Variants in ADAM23 observed in about 807,000 individuals in gnomAD.
ADAM23 encodes the protein disintegrin and metalloproteinase domain-containing protein 23.
In ADAM23, 33 loss-of-function variants were observed where a neutral mutation model predicts 120.1. That is an observed-to-expected ratio of 0.27 (90% CI 0.21 to 0.37). The LOEUF is 0.37. Ranked by LOEUF, ADAM23 falls within the 10% of genes least tolerant of loss-of-function variation. The probability of loss-of-function intolerance (pLI) is 1.00; values close to 1 mark genes in which losing one functional copy is unlikely to be tolerated. For missense variants in ADAM23, 862 were observed against 1,058.2 expected (o/e 0.81, Z 2.57); for synonymous variants, 367 against 375.2 (o/e 0.98, Z 0.25).
rs1248243931 is a variant in ADAM23 at position 206,618,700 on chromosome 2, CA to C, written c.*1078del. The C allele has an allele frequency of 6.6e-6, 1 of 151,854 alleles. No homozygotes were observed. Among genetic ancestry groups the C allele is most frequent in the Admixed American group, 6.6e-5 (1 of 15,258 alleles). The allele number at this position is 151,854 out of a possible 1,614,324, so 9.4% of individuals were successfully genotyped here. ...AGTTTAAAGTTGGTGTGCGTTAAACCAAAAATAAAAGGGGGGACATAAACAA... is the reference window on the plus strand; with the variant it reads ...AGTTTAAAGTTGGTGTGCGTTAAACCAAAATAAAAGGGGGGACATAAACAA... On this transcript the variant is annotated 3_prime_UTR_variant, in exon 26 of 26. Transcript: ENST00000264377.
Position 206,593,639 on chromosome 2 carries a change from G to A in ADAM23, c.2078+903G>A, listed in dbSNP as rs192571366. Among the ~76,000 whole-genome samples the A allele has an allele frequency of 2.9e-3, 435 of 151,998 alleles. 4 individuals carry two copies. Among genetic ancestry groups the A allele is most frequent in the Middle Eastern group, 0.014 (4 of 294 alleles). On this transcript the variant is annotated intron_variant, in intron 22 of 25. Transcript: ENST00000264377. ...AGATCCCTCCTGGAATAAATTTGTA[G>A]TCTCTAAAGCTAGTTACTTTGACGT...
chr2:206,594,478 G>A (rs948355562), intron 22 of ADAM23, among the ~76,000 whole-genome samples: 7 of 152,132 alleles, frequency 4.6e-5, no homozygotes, highest in African/African-American at 1.7e-4. Flanking sequence ...AACACGTGAA[G>A]ATTTAGAATA....
At chr2:206,540,481 CT>C (rs1697268431) in intron 4 of ADAM23, among the ~76,000 whole-genome samples, 1 of 152,092 alleles carries the variant, frequency 6.6e-6, no homozygotes, top group South Asian at 2.1e-4. Flanking sequence ...ATATTTATCT[CT>C]GTTTTCTCCC....
intron 24 of ADAM23, chr2:206,605,720 TA>T: frequency 1.4e-6 from 1 of 697,974 alleles, no homozygotes; most frequent in Non-Finnish European, 2.6e-6. Context: ...CTGAATAGAT[TA>T]TTTTGTATGT....
At chr2:206,509,996 A>G (rs1300086855) in intron 3 of ADAM23, among the ~76,000 whole-genome samples, 2 of 152,172 alleles carry the variant, frequency 1.3e-5, no homozygotes, top group Non-Finnish European at 2.9e-5. Context: ...TTATCAACAT[A>G]GTTTTGTAGA....
At chr2:206,570,837 T>TA (rs1697981655) in intron 16 of ADAM23, 26 bp downstream of exon 16, 2 of 1,593,166 alleles carry the variant, frequency 1.3e-6, no homozygotes, top group East Asian at 2.2e-5. Flanking sequence ...CTTCTATACT[T>TA]ACAGCACAGA....
chr2:206,539,364 C>A (rs767476226), intron 4 of ADAM23, among the ~76,000 whole-genome samples: 3 of 152,106 alleles, frequency 2.0e-5, no homozygotes, highest in African/African-American at 7.2e-5. Context: ...TTTTGGTTGT[C>A]CCTGCTGCCA....
At chr2:206,502,070 C>T (rs1010274421) in intron 3 of ADAM23, among the ~76,000 whole-genome samples, 1 of 152,062 alleles carries the variant, frequency 6.6e-6, no homozygotes, top group Admixed American at 6.6e-5. Context: ...GCACTAACTT[C>T]CTTTGCCTTG....
intron 3 of ADAM23, among the ~76,000 whole-genome samples, chr2:206,484,033 T>C (rs1022564402): frequency 4.0e-5 from 6 of 151,398 alleles, no homozygotes; most frequent in East Asian, 1.9e-4. Context: ...GAGTGGGAGG[T>C]TGAAGATGCA....
At chr2:206,475,370 G>C (rs1695755039) in intron 2 of ADAM23, among the ~76,000 whole-genome samples, 1 of 151,952 alleles carries the variant, frequency 6.6e-6, no homozygotes, top group Non-Finnish European at 1.5e-5. Context: ...TTGGATTTTT[G>C]CATTATACAG....
At chr2:206,457,819 C>T (rs191195544) in intron 2 of ADAM23, among the ~76,000 whole-genome samples, 51 of 152,206 alleles carry the variant, frequency 3.4e-4, no homozygotes, top group Non-Finnish European at 1.2e-4. Flanking sequence ...TTTTCTAATA[C>T]AGAAGTATGC....
chr2:206,464,946 G>A (rs1695511104), intron 2 of ADAM23, among the ~76,000 whole-genome samples: 1 of 152,054 alleles, frequency 6.6e-6, no homozygotes, highest in African/African-American at 2.4e-5. Flanking sequence ...TATGGCAACT[G>A]TTATCTTTCT....
Position 206,444,062 on chromosome 2 carries a change from G to T in ADAM23, c.196G>T (p.Gly66Trp), listed in dbSNP as rs758588135. 3 of 1,380,866 alleles carry T rather than the reference G, an allele frequency of 2.2e-6. No individual in the cohort carries two copies. The highest frequency in any genetic ancestry group is 1.5e-5 in the African/African-American group (1 of 67,008). The allele number at this position is 1,380,866 out of a possible 1,614,324, so 85.5% of individuals were successfully genotyped here. A position where few individuals can be genotyped will look rare whatever the true frequency, so the allele number is the denominator to read the frequency against. ...CGCCTCGTCCCGGCCCCGCGCCTGGGGGGCTGCTGCGCCCAGCGGTGGGTA... is the reference window on the plus strand; with the variant it reads ...CGCCTCGTCCCGGCCCCGCGCCTGGTGGGCTGCTGCGCCCAGCGGTGGGTA... ...LAASSRPRAWGAAAPSAPHWN... is the reference protein window; with the variant it reads ...LAASSRPRAWWAAAPSAPHWN... Residue 66 changes from glycine (G) to tryptophan (W), a missense_variant, in exon 1 of 26, where the codon GGG becomes TGG. Gly to Trp is a radical substitution (Grantham distance 184). Around this residue, in one of 4 missense-constraint regions of ADAM23, gnomAD observed 225 missense variants for 204.0 expected, o/e 1.10. Transcript: ENST00000264377.
At chr2:206,526,163 CACACACACACACACACAG>C (rs1248567335) in intron 3 of ADAM23, among the ~76,000 whole-genome samples, 43 of 151,150 alleles carry the variant, frequency 2.8e-4, no homozygotes, top group Non-Finnish European at 2.1e-4. Flanking sequence ...CACACACACA[CACACACACACACACACAG>C]ACACACACAG....
intron 2 of ADAM23, among the ~76,000 whole-genome samples, chr2:206,447,343 C>T (rs1695102009): frequency 6.6e-6 from 1 of 152,164 alleles, no homozygotes; most frequent in African/African-American, 2.4e-5. Flanking sequence ...ACTCTATAAA[C>T]ATTTGTTGCA....
At chr2:206,525,520 T>G (rs1438073236) in intron 3 of ADAM23, among the ~76,000 whole-genome samples, 1 of 152,208 alleles carries the variant, frequency 6.6e-6, no homozygotes, top group Non-Finnish European at 1.5e-5. Flanking sequence ...TTGTTTTCTT[T>G]GATCAGCCTG....
At chr2:206,567,393 A>G in intron 15 of ADAM23, 71 bp downstream of exon 15, 1 of 1,223,602 alleles carries the variant, frequency 8.2e-7, no homozygotes, top group Non-Finnish European at 1.2e-6. Flanking sequence ...ACAGTGCTGG[A>G]TATCAGACGC....
In ADAM23 at chr2:206,619,702, C is replaced by T. The variant is rs183236091; in HGVS notation, c.*2075C>T. 1.7e-4 allele frequency: 26 copies of T among 152,172 alleles called. No individual in the cohort carries two copies. The highest frequency in any genetic ancestry group is 1.2e-3 in the Admixed American group (18 of 15,290). 9.4% of individuals were successfully genotyped at this position (152,172 alleles called of 1,614,324 possible). Reference sequence around the variant, plus strand: ...TTAACACAGTGGGGTTTTTTTCCCCCGAGGTGTCTTTAACTGGGGAAGTAC... The same window carrying T: ...TTAACACAGTGGGGTTTTTTTCCCCTGAGGTGTCTTTAACTGGGGAAGTAC... On this transcript the variant is annotated 3_prime_UTR_variant, in exon 26 of 26. Coordinates refer to ENST00000264377, the MANE Select transcript of ADAM23 (RefSeq NM_003812.4).
At chr2:206,558,489 C>T (rs1697691330) in intron 10 of ADAM23, among the ~76,000 whole-genome samples, 1 of 152,134 alleles carries the variant, frequency 6.6e-6, no homozygotes, top group Non-Finnish European at 1.5e-5. Context: ...ACCTGGTGGG[C>T]ACAGCTGCAC....
Sources: gnomAD v4.1 joint callset for allele counts (sites outside exome capture counted in the v4.1 genomes callset) on GRCh38, gnomAD v4.1.1 for gene constraint, gnomAD v4.1.1 regional missense constraint, MANE v1.5 for transcripts, NCBI Gene and HGNC (gene_info 2026-07-23, HGNC 2026-07-21) for gene names.